Variants in GALNTL6 observed in about 807,000 individuals in gnomAD.
GALNTL6 encodes the protein polypeptide N-acetylgalactosaminyltransferase-like 6.
A neutral mutation model predicts 73.7 loss-of-function variants in GALNTL6; 46 were observed. The ratio of observed to expected loss-of-function variants is 0.62; its 90% CI spans 0.49 to 0.80. GALNTL6 has a LOEUF of 0.80. GALNTL6 is among the 30% of genes least tolerant of loss of function. The pLI is 0.00. For missense variants in GALNTL6, 604 were observed against 755.0 expected (o/e 0.80, Z 2.34); for synonymous variants, 259 against 263.7 (o/e 0.98, Z 0.17).
At chr4:172,289,034 G>A (rs1320617388) in intron 3 of GALNTL6, among the ~76,000 whole-genome samples, 1 of 151,484 alleles carries the variant, frequency 6.6e-6, no homozygotes, top group Non-Finnish European at 1.5e-5. Flanking sequence ...CTTCATTATT[G>A]TCTTTCATAA....
At chr4:172,437,257 G>A (rs1440182694) in intron 5 of GALNTL6, among the ~76,000 whole-genome samples, 2 of 152,040 alleles carry the variant, frequency 1.3e-5, no homozygotes, top group African/African-American at 2.4e-5. Flanking sequence ...GGTTGTTAAA[G>A]CATAGTACTT....
intron 5 of GALNTL6, among the ~76,000 whole-genome samples, chr4:172,567,863 ATTTTCTATGGG>A (rs1285372980): frequency 6.6e-6 from 1 of 152,062 alleles, no homozygotes; most frequent in Non-Finnish European, 1.5e-5. Flanking sequence ...AAGACATTAT[ATTTTCTATGGG>A]TTGTTTATTG....
chr4:172,912,525 G>A lies in GALNTL6; in HGVS notation c.1042-18636G>A, dbSNP rs563390771. Among the ~76,000 whole-genome samples the A allele has an allele frequency of 1.4e-4, 22 of 152,280 alleles. No homozygotes were observed. In the South Asian group the frequency reaches 2.3e-3, roughly 16 times the overall value. On this transcript the variant is annotated intron_variant, in intron 8 of 12. Transcript: ENST00000506823. ...TAGGACACTCCCACCCTAATACTGC[G>A]CTTTTCCAATTGTCATAGCAAATGG...
chr4:172,204,653 C>T (rs991776132), intron 2 of GALNTL6, among the ~76,000 whole-genome samples: 3 of 152,024 alleles, frequency 2.0e-5, no homozygotes, highest in Admixed American at 6.6e-5. Flanking sequence ...TCACCTTAGA[C>T]CAGGGGTTCT....
chr4:172,994,947 TC>T (rs1181098185), intron 10 of GALNTL6, among the ~76,000 whole-genome samples: 2 of 152,200 alleles, frequency 1.3e-5, no homozygotes, highest in East Asian at 3.8e-4. Context: ...TGCTCACATT[TC>T]AACCATCTGA....
At chr4:171,863,917 C>G (rs962610776) in intron 2 of GALNTL6, among the ~76,000 whole-genome samples, 2 of 152,050 alleles carry the variant, frequency 1.3e-5, no homozygotes, top group African/African-American at 4.8e-5. Flanking sequence ...GCCACCATGC[C>G]CAGCTAATTT....
intron 2 of GALNTL6, among the ~76,000 whole-genome samples, chr4:171,827,675 C>G (rs907121561): frequency 6.6e-6 from 1 of 152,134 alleles, no homozygotes; most frequent in Non-Finnish European, 1.5e-5. Flanking sequence ...TACCTTTCCT[C>G]CTTCTCTGTA....
At chr4:172,466,376 A>G (rs1328272558) in intron 5 of GALNTL6, among the ~76,000 whole-genome samples, 3 of 152,190 alleles carry the variant, frequency 2.0e-5, no homozygotes, top group Non-Finnish European at 4.4e-5. Context: ...GTAAAGTTTT[A>G]ATTTCTGGAA....
At chr4:172,742,299 G>T (rs75660790) in intron 5 of GALNTL6, among the ~76,000 whole-genome samples, 1 of 151,544 alleles carries the variant, frequency 6.6e-6, no homozygotes, top group African/African-American at 2.4e-5. Context: ...GTACTATGAC[G>T]CACCACAGAT....
chr4:172,515,763 T>G (rs1399533872), intron 5 of GALNTL6, among the ~76,000 whole-genome samples: 1 of 152,078 alleles, frequency 6.6e-6, no homozygotes, highest in East Asian at 1.9e-4. Flanking sequence ...AGAGAGACAC[T>G]CAGCAAGGAG....
chr4:172,237,530 G>A (rs1032969900), intron 3 of GALNTL6, among the ~76,000 whole-genome samples: 1 of 152,040 alleles, frequency 6.6e-6, no homozygotes, highest in Non-Finnish European at 1.5e-5. Context: ...TTCTCCCATC[G>A]CATGTGTTGT....
intron 2 of GALNTL6, among the ~76,000 whole-genome samples, chr4:172,219,119 T>TAA (rs60511127): frequency 2.5e-4 from 36 of 144,838 alleles, no homozygotes; most frequent in Non-Finnish European, 4.7e-4. Flanking sequence ...AAATATATGT[T>TAA]AAAAAAAAGC....
chr4:172,740,366 G>A (rs1736725827), intron 5 of GALNTL6, among the ~76,000 whole-genome samples: 1 of 152,154 alleles, frequency 6.6e-6, no homozygotes, highest in Admixed American at 6.6e-5. Context: ...TCTTGGCTTG[G>A]GTTTGCAGCA....
intron 5 of GALNTL6, among the ~76,000 whole-genome samples, chr4:172,498,069 T>C (rs1263635622): frequency 4.0e-5 from 6 of 149,044 alleles, no homozygotes; most frequent in Non-Finnish European, 8.9e-5. Flanking sequence ...CAGCTCACTG[T>C]AACCTCCGCC....
At chr4:172,074,713 A>G (rs1428661917) in intron 2 of GALNTL6, among the ~76,000 whole-genome samples, 2 of 151,992 alleles carry the variant, frequency 1.3e-5, no homozygotes, top group Non-Finnish European at 2.9e-5. Flanking sequence ...GCACAACACA[A>G]TATGGAAAAC....
intron 2 of GALNTL6, among the ~76,000 whole-genome samples, chr4:171,852,204 T>C (rs116095463): frequency 3.5e-4 from 53 of 152,360 alleles, no homozygotes; most frequent in African/African-American, 1.2e-3. Flanking sequence ...TTTTTTTCTG[T>C]TGTCCAATTC....
At chr4:172,439,032 C>T (rs1021880767) in intron 5 of GALNTL6, among the ~76,000 whole-genome samples, 4 of 151,790 alleles carry the variant, frequency 2.6e-5, no homozygotes, top group Admixed American at 6.6e-5. Flanking sequence ...GCAAATCTCT[C>T]CTCTCTCTCA....
At chr4:172,816,836 G>C (rs1033336349) in intron 7 of GALNTL6, among the ~76,000 whole-genome samples, 6 of 152,064 alleles carry the variant, frequency 3.9e-5, no homozygotes, top group Non-Finnish European at 8.8e-5. Flanking sequence ...GGCTGGGCAC[G>C]GTGGCCGCGC....
At chr4:172,471,701 A>G (rs1733057925) in intron 5 of GALNTL6, among the ~76,000 whole-genome samples, 1 of 152,160 alleles carries the variant, frequency 6.6e-6, no homozygotes, top group Non-Finnish European at 1.5e-5. Context: ...AAAATTAACT[A>G]ACAGTGAATC....
Sources: gnomAD v4.1 joint callset for allele counts (sites outside exome capture counted in the v4.1 genomes callset) on GRCh38, gnomAD v4.1.1 for gene constraint, MANE v1.5 for transcripts, NCBI Gene and HGNC (gene_info 2026-07-23, HGNC 2026-07-21) for gene names.